SYNPR: variants seen among roughly 807,000 people sequenced by gnomAD.
SYNPR encodes the protein synaptoporin.
In SYNPR, 23 loss-of-function variants were observed where a neutral mutation model predicts 32.9. The observed-to-expected ratio is 0.70, with a 90% confidence interval of 0.50 to 0.99. The LOEUF is 0.99. Among genes scored for constraint, SYNPR ranks in the 50% least tolerant of loss-of-function variants. SYNPR has a pLI of 0.00. For synonymous variants in SYNPR, 146 were observed against 135.9 expected (o/e 1.07, Z -0.52); for missense variants, 318 against 349.3 (o/e 0.91, Z 0.71).
At chr3:63,508,223 A>C (rs1361752676) in intron 3 of SYNPR, among the ~76,000 whole-genome samples, 2 of 152,078 alleles carry the variant, frequency 1.3e-5, no homozygotes, top group Non-Finnish European at 2.9e-5. Flanking sequence ...TTCTTGCTGT[A>C]GACTCACCCT....
intron 2 of SYNPR, among the ~76,000 whole-genome samples, chr3:63,359,295 A>T (rs2087626173): frequency 6.6e-6 from 1 of 152,156 alleles, no homozygotes; most frequent in African/African-American, 2.4e-5. Flanking sequence ...CTTTACCTGC[A>T]TGAGAGAATT....
chr3:63,231,378 G>A (rs976936058), intron 1 of SYNPR, among the ~76,000 whole-genome samples: 2 of 152,062 alleles, frequency 1.3e-5, no homozygotes, highest in African/African-American at 4.8e-5. Context: ...TGGATACAAT[G>A]TATGCTGCTC....
At chr3:63,564,852 T>C (rs974005877) in intron 4 of SYNPR, among the ~76,000 whole-genome samples, 3 of 152,222 alleles carry the variant, frequency 2.0e-5, no homozygotes, top group African/African-American at 7.2e-5. Flanking sequence ...GAGCTGTAGT[T>C]CTGTAGCCTT....
At chr3:63,241,636 G>A (rs747070225) in intron 1 of SYNPR, among the ~76,000 whole-genome samples, 8 of 151,870 alleles carry the variant, frequency 5.3e-5, no homozygotes, top group East Asian at 1.9e-4. Flanking sequence ...AAGTTGTTAC[G>A]CCTGGAACTG....
intron 2 of SYNPR, among the ~76,000 whole-genome samples, chr3:63,465,641 T>C (rs977513953): frequency 3.3e-5 from 5 of 152,178 alleles, no homozygotes; most frequent in Non-Finnish European, 5.9e-5. Context: ...GGCAATGTTG[T>C]TCCTTTTATA....
intron 2 of SYNPR, among the ~76,000 whole-genome samples, chr3:63,393,677 G>GT (rs1294972015): frequency 2.6e-5 from 4 of 151,624 alleles, no homozygotes; most frequent in African/African-American, 9.7e-5. Flanking sequence ...TCTTTTGTTT[G>GT]TTTGTTTTGT....
chr3:63,252,858 T>C (rs2086345582), intron 2 of SYNPR, among the ~76,000 whole-genome samples: 1 of 151,918 alleles, frequency 6.6e-6, no homozygotes, highest in African/African-American at 2.4e-5. Context: ...CTGGCCAACA[T>C]GGTGAAACTG....
At chr3:63,440,936 T>C (rs1295444488) in intron 2 of SYNPR, among the ~76,000 whole-genome samples, 1 of 152,196 alleles carries the variant, frequency 6.6e-6, no homozygotes, top group Non-Finnish European at 1.5e-5. Flanking sequence ...ATCTGCATAA[T>C]GGGGACAGCC....
chr3:63,509,192 T>A lies in SYNPR; in HGVS notation c.209+28236T>A, dbSNP rs1452763218. Reference sequence around the variant, plus strand: ...GACACACACAATTAAGGCTGAAAGTTATATATATATGTATGTGTATATACA... The same window carrying A: ...GACACACACAATTAAGGCTGAAAGTAATATATATATGTATGTGTATATACA... On this transcript the variant is annotated intron_variant, in intron 3 of 5. Coordinates refer to ENST00000478300, the MANE Select transcript of SYNPR (RefSeq NM_001130003.2). 6.0e-5 allele frequency among the ~76,000 whole-genome samples: 9 copies of A among 150,924 alleles called. No homozygotes were observed. The East Asian group carries it at 1.2e-3, about 20-fold the overall frequency.
chr3:63,518,210 G>C (rs1018315962), intron 3 of SYNPR, among the ~76,000 whole-genome samples: 24 of 152,150 alleles, frequency 1.6e-4, no homozygotes, highest in African/African-American at 5.6e-4. Flanking sequence ...AAGAGGCAGA[G>C]GGGGAGGGGG....
chr3:63,584,351 G>A (rs1400913077), intron 4 of SYNPR, among the ~76,000 whole-genome samples: 6 of 152,070 alleles, frequency 3.9e-5, no homozygotes, highest in African/African-American at 1.4e-4. Flanking sequence ...GAGAACACAC[G>A]AGTTAAAGCA....
At chr3:63,283,860 C>T (rs1432867815) in intron 2 of SYNPR, among the ~76,000 whole-genome samples, 1 of 144,994 alleles carries the variant, frequency 6.9e-6, no homozygotes, top group Non-Finnish European at 1.5e-5. Flanking sequence ...CTAGGCTGCC[C>T]AGGCTGGAGC....
At chr3:63,497,073 GA>G (rs1701387540) in intron 3 of SYNPR, among the ~76,000 whole-genome samples, 1 of 152,052 alleles carries the variant, frequency 6.6e-6, no homozygotes, top group Non-Finnish European at 1.5e-5. Context: ...AAATATTCCT[GA>G]AATCCTTACC....
At chr3:63,405,601 T>C (rs1281088468) in intron 2 of SYNPR, among the ~76,000 whole-genome samples, 1 of 152,140 alleles carries the variant, frequency 6.6e-6, no homozygotes, top group African/African-American at 2.4e-5. Context: ...AGAAAGCAGA[T>C]GAAAGGTGTT....
intron 2 of SYNPR, among the ~76,000 whole-genome samples, chr3:63,335,143 G>A (rs6772716): frequency 0.72 from 109,439 of 151,972 alleles, 41,208 homozygotes; most frequent in Non-Finnish European, 0.83. Flanking sequence ...TCACAAGGTC[G>A]GGAGATCGAG....
At chr3:63,470,445 GA>G (rs1299466354) in intron 2 of SYNPR, among the ~76,000 whole-genome samples, 1 of 152,090 alleles carries the variant, frequency 6.6e-6, no homozygotes, top group Non-Finnish European at 1.5e-5. Flanking sequence ...GCTTCATGTG[GA>G]AAAATATAAT....
At position 63,298,298 on chromosome 3, in the gene SYNPR, C is replaced by A. The variant is rs563203367; in HGVS notation, c.84+19556C>A. 2.6e-5 allele frequency among the ~76,000 whole-genome samples: 4 copies of A among 152,228 alleles called. No individual in the cohort carries two copies. The South Asian group carries it at 8.3e-4, about 32-fold the overall frequency. On this transcript the variant is annotated intron_variant, in intron 2 of 5. Coordinates refer to ENST00000478300, the MANE Select transcript of SYNPR (RefSeq NM_001130003.2). ...GTAATTCTTGCAAAGGTGGTTTCAT[C>A]TTCATCTCTCCTTCAAATGAAATTT...
chr3:63,371,779 A>T (rs1222979095), intron 2 of SYNPR, among the ~76,000 whole-genome samples: 4 of 152,212 alleles, frequency 2.6e-5, no homozygotes, highest in Non-Finnish European at 5.9e-5. Context: ...CCCCACCTCA[A>T]CACTTTAGTC....
At chr3:63,409,806 C>A (rs902066589) in intron 2 of SYNPR, among the ~76,000 whole-genome samples, 1 of 152,170 alleles carries the variant, frequency 6.6e-6, no homozygotes, top group African/African-American at 2.4e-5. Context: ...TTTTTGAGCA[C>A]TGCTCTACCC....
Sources: gnomAD v4.1 joint callset for allele counts (sites outside exome capture counted in the v4.1 genomes callset) on GRCh38, gnomAD v4.1.1 for gene constraint, MANE v1.5 for transcripts, NCBI Gene and HGNC (gene_info 2026-07-23, HGNC 2026-07-21) for gene names.